Variants in TCF12 observed in about 807,000 individuals in gnomAD.
TCF12 encodes transcription factor 12, also known as DNA-binding protein HTF4.
A neutral mutation model predicts 86.0 loss-of-function variants in TCF12; 45 were observed. The observed-to-expected ratio is 0.52, with a 90% CI of 0.41 to 0.67. TCF12 has a LOEUF of 0.67. Ranked by LOEUF, TCF12 falls within the 30% of genes least tolerant of loss-of-function variation. The pLI, the probability that TCF12 is intolerant of heterozygous loss-of-function variation, is 0.00. For synonymous variants in TCF12, 330 were observed against 299.6 expected (o/e 1.10, Z -1.05); for missense variants, 881 against 859.9 (o/e 1.02, Z -0.31).
intron 13 of TCF12, chr15:57,247,415 CA>C: frequency 1.5e-6 from 1 of 687,594 alleles, no homozygotes; most frequent in Admixed American, 1.9e-5. Context: ...TGACCTCTGT[CA>C]TCCAGCAGAC....
chr15:56,955,514 C>T (rs1301692234), intron 3 of TCF12, among the ~76,000 whole-genome samples: 1 of 151,954 alleles, frequency 6.6e-6, no homozygotes, highest in Non-Finnish European at 1.5e-5. Context: ...ATCAAAGCTG[C>T]AGGTTGTGCA....
chr15:57,254,225 G>T (rs1051025059), intron 16 of TCF12, among the ~76,000 whole-genome samples: 1 of 152,114 alleles, frequency 6.6e-6, no homozygotes, highest in African/African-American at 2.4e-5. Flanking sequence ...CAGATTTTTA[G>T]CTATAAGCCA....
At chr15:57,099,338 C>T (rs533270909) in intron 5 of TCF12, among the ~76,000 whole-genome samples, 3 of 152,144 alleles carry the variant, frequency 2.0e-5, no homozygotes, top group Non-Finnish European at 4.4e-5. Context: ...TTCCAGAGTA[C>T]TCCTGTATGG....
chr15:57,152,089 G>A (rs1205722897), intron 5 of TCF12, among the ~76,000 whole-genome samples: 2 of 152,176 alleles, frequency 1.3e-5, no homozygotes, highest in Non-Finnish European at 1.5e-5. Context: ...GGGAGTGGAA[G>A]CCTCTGGTAA....
rs2056529268 is a variant in TCF12 at position 57,184,178 on chromosome 15, C to G, written c.391-7980C>G. 3.3e-5 allele frequency among the ~76,000 whole-genome samples: 5 copies of G among 151,738 alleles called. No individual in the cohort carries two copies. In the South Asian group the frequency reaches 1.0e-3, roughly 31 times the overall value. ...AAAAGTTCTATAAAGGGCCAGATAA[C>G]AAATATTTTAGGTTTTAACAGACCA... On this transcript the variant is annotated intron_variant, in intron 6 of 20. Coordinates refer to ENST00000333725, the MANE Select transcript of TCF12 (RefSeq NM_207037.2).
chr15:56,995,676 G>C (rs193300567), intron 3 of TCF12, among the ~76,000 whole-genome samples: 1 of 152,184 alleles, frequency 6.6e-6, no homozygotes, highest in East Asian at 1.9e-4. Flanking sequence ...TTGCCTATCA[G>C]CTCTAGGAGC....
intron 3 of TCF12, among the ~76,000 whole-genome samples, chr15:57,009,159 A>G (rs1341270073): frequency 1.3e-5 from 2 of 152,118 alleles, no homozygotes; most frequent in African/African-American, 4.8e-5. Flanking sequence ...CTCACGCTGT[A>G]GTGCAAGGGT....
At chr15:57,116,974 A>G (rs1440309085) in intron 5 of TCF12, among the ~76,000 whole-genome samples, 1 of 151,984 alleles carries the variant, frequency 6.6e-6, no homozygotes, top group Non-Finnish European at 1.5e-5. Context: ...TTTCATCATT[A>G]TTTGGCATCA....
intron 8 of TCF12, among the ~76,000 whole-genome samples, chr15:57,213,520 C>G (rs1032480798): frequency 1.3e-5 from 2 of 152,148 alleles, no homozygotes; most frequent in Admixed American, 6.5e-5. Context: ...GTATAAGTTA[C>G]TTACAGCTTT....
chr15:56,972,587 A>G (rs1372721198), intron 3 of TCF12, among the ~76,000 whole-genome samples: 1 of 152,182 alleles, frequency 6.6e-6, no homozygotes, highest in East Asian at 1.9e-4. Flanking sequence ...TCTGTCTGCA[A>G]ATGAGCCATA....
At chr15:57,103,085 A>G (rs2049870649) in intron 5 of TCF12, among the ~76,000 whole-genome samples, 2 of 152,206 alleles carry the variant, frequency 1.3e-5, no homozygotes, top group African/African-American at 2.4e-5. Context: ...GAGGGAATCT[A>G]TAATGAGAGG....
At chr15:57,276,292 G>C (rs1459131560) in intron 19 of TCF12, among the ~76,000 whole-genome samples, 1 of 152,162 alleles carries the variant, frequency 6.6e-6, no homozygotes, top group African/African-American at 2.4e-5. Flanking sequence ...CTTACCCCAG[G>C]AGATTCTGGT....
At chr15:57,225,364 T>A (rs2058827072) in intron 8 of TCF12, among the ~76,000 whole-genome samples, 1 of 151,096 alleles carries the variant, frequency 6.6e-6, no homozygotes, top group Non-Finnish European at 1.5e-5. Context: ...CTCAGCCTCC[T>A]GACTAGCTGA....
chr15:57,142,120 G>T (rs1420464006), intron 5 of TCF12, among the ~76,000 whole-genome samples: 2 of 152,146 alleles, frequency 1.3e-5, no homozygotes, highest in Non-Finnish European at 2.9e-5. Flanking sequence ...AAGGGTGCAG[G>T]ATGCAGCAGC....
chr15:56,979,745 C>A (rs2062794954), intron 3 of TCF12, among the ~76,000 whole-genome samples: 1 of 152,140 alleles, frequency 6.6e-6, no homozygotes, highest in South Asian at 2.1e-4. Context: ...ACTTGATGGT[C>A]AAGGAGATTG....
chr15:57,206,929 G>GAA (rs35816408), intron 8 of TCF12, among the ~76,000 whole-genome samples: 176 of 125,830 alleles, frequency 1.4e-3, no homozygotes, highest in Non-Finnish European at 1.8e-3. Flanking sequence ...TGTCTCTACA[G>GAA]AAAAAAAAAA....
At chr15:57,040,465 C>T (rs2066823168) in intron 3 of TCF12, among the ~76,000 whole-genome samples, 2 of 152,194 alleles carry the variant, frequency 1.3e-5, no homozygotes, top group Admixed American at 1.3e-4. Flanking sequence ...GAAAGGAGTT[C>T]CGTAAGAATT....
intron 5 of TCF12, among the ~76,000 whole-genome samples, chr15:57,101,610 CG>C: frequency 6.6e-6 from 1 of 152,330 alleles, no homozygotes; most frequent in Non-Finnish European, 1.5e-5. Context: ...CACACACACA[CG>C]TGCATATGCA....
At chr15:57,155,123 C>T (rs770562840) in intron 5 of TCF12, among the ~76,000 whole-genome samples, 11 of 152,220 alleles carry the variant, frequency 7.2e-5, no homozygotes, top group East Asian at 1.9e-4. Context: ...CTAGAGTCTT[C>T]GTTCATTACC....
Sources: gnomAD v4.1 joint callset for allele counts (sites outside exome capture counted in the v4.1 genomes callset) on GRCh38, gnomAD v4.1.1 for gene constraint, MANE v1.5 for transcripts, NCBI Gene and HGNC (gene_info 2026-07-23, HGNC 2026-07-21) for gene names.